The following TENM3 variants were observed in gnomAD, a reference collection of about 807,000 sequenced individuals.
The protein encoded by TENM3 is teneurin transmembrane protein 3, also known as teneurin-3.
A neutral mutation model predicts 255.1 loss-of-function variants in TENM3; 63 were observed. The observed-to-expected ratio is 0.25, with a 90% CI of 0.20 to 0.30. The LOEUF (loss-of-function observed/expected upper bound fraction) is 0.30, where lower values mean the gene tolerates loss of function less well. Ranked by LOEUF, TENM3 falls within the 10% of genes least tolerant of loss-of-function variation. The pLI, the probability that TENM3 is intolerant of heterozygous loss-of-function variation, is 1.00. For synonymous variants in TENM3, 1,306 were observed against 1,322.3 expected (o/e 0.99, Z 0.27); for missense variants, 2,929 against 3,461.1 (o/e 0.85, Z 3.86).
At chr4:182,611,642 A>G (rs898734866) in intron 4 of TENM3, among the ~76,000 whole-genome samples, 3 of 152,212 alleles carry the variant, frequency 2.0e-5, no homozygotes, top group Non-Finnish European at 4.4e-5. Flanking sequence ...AAAAATTGCT[A>G]TAGATGACAT....
At chr4:181,878,439 T>C in the TENM3 span, among the ~76,000 whole-genome samples, 1 of 152,102 alleles carries the variant, frequency 6.6e-6, no homozygotes, top group East Asian at 1.9e-4. Context: ...TGTCTGTGTA[T>C]TAACCTATTC....
chr4:182,717,792 T>C (rs1446790115), intron 13 of TENM3, among the ~76,000 whole-genome samples: 1 of 152,222 alleles, frequency 6.6e-6, no homozygotes, highest in South Asian at 2.1e-4. Flanking sequence ...ATCTTTCTTC[T>C]TCAACTCCAA....
upstream of TENM3, among the ~76,000 whole-genome samples, chr4:182,241,972 C>T (rs536900844): frequency 1.3e-5 from 2 of 151,070 alleles, no homozygotes; most frequent in Non-Finnish European, 2.9e-5. Context: ...TCTCCACTGT[C>T]AGCCACATGC....
chr4:182,317,124 G>T (rs1762794650), intron 1 of TENM3, among the ~76,000 whole-genome samples: 1 of 152,108 alleles, frequency 6.6e-6, no homozygotes, highest in Non-Finnish European at 1.5e-5. Context: ...ATTTATTATT[G>T]CTGTCAAAAG....
At chr4:181,760,590 C>T in the TENM3 span, among the ~76,000 whole-genome samples, 2 of 152,240 alleles carry the variant, frequency 1.3e-5, no homozygotes, top group South Asian at 4.1e-4. Flanking sequence ...AAACTTCAAT[C>T]AGTCCCAATC....
chr4:182,315,974 T>C (rs1762728540), intron 1 of TENM3, among the ~76,000 whole-genome samples: 1 of 152,202 alleles, frequency 6.6e-6, no homozygotes, highest in Non-Finnish European at 1.5e-5. Flanking sequence ...TCTAATTTTT[T>C]GATTGTATGG....
the TENM3 span, among the ~76,000 whole-genome samples, chr4:182,110,905 T>C: frequency 5.9e-5 from 9 of 152,206 alleles, no homozygotes; most frequent in African/African-American, 1.9e-4. Flanking sequence ...TATAATTTTC[T>C]TAGAATAAGT....
chr4:182,501,143 A>G lies in TENM3; in HGVS notation c.512-99781A>G, dbSNP rs150925360. Among the ~76,000 whole-genome samples, 700 of 152,286 alleles carry G rather than the reference A, an allele frequency of 4.6e-3. 6 individuals are homozygous for G. The highest frequency in any genetic ancestry group is 0.016 in the African/African-American group (662 of 41,558). On this transcript the variant is annotated intron_variant, in intron 3 of 27. Transcript: ENST00000511685. ...CTCTTAAAATTCTAGAAAAAGTTAT[A>G]TCAAACAAATACTTGTCTTGCTTGG...
intron 12 of TENM3, among the ~76,000 whole-genome samples, chr4:182,708,839 G>A (rs1223331423): frequency 6.6e-6 from 1 of 151,372 alleles, no homozygotes; most frequent in Non-Finnish European, 1.5e-5. Flanking sequence ...AAAAGAGTAA[G>A]ACTTGCCATC....
the TENM3 span, among the ~76,000 whole-genome samples, chr4:181,833,989 TTTTTA>T: frequency 6.6e-6 from 1 of 152,222 alleles, no homozygotes; most frequent in Admixed American, 6.5e-5. Flanking sequence ...AAAGTGTGGC[TTTTTA>T]TTTTAAGTCA....
intron 1 of TENM3, among the ~76,000 whole-genome samples, chr4:182,234,196 G>A (rs1448364801): frequency 1.3e-5 from 2 of 152,028 alleles, no homozygotes; most frequent in Admixed American, 6.5e-5. Flanking sequence ...TCTAACCTCT[G>A]TCTTAGAGGT....
the TENM3 span, among the ~76,000 whole-genome samples, chr4:181,512,015 A>G: frequency 1.3e-5 from 2 of 152,090 alleles, no homozygotes; most frequent in African/African-American, 4.8e-5. Flanking sequence ...CTCAGGATGA[A>G]GTTCGGAGTC....
At chr4:182,432,178 C>G (rs1771707276) in intron 3 of TENM3, among the ~76,000 whole-genome samples, 1 of 151,766 alleles carries the variant, frequency 6.6e-6, no homozygotes, top group Non-Finnish European at 1.5e-5. Context: ...TCCAAGAAGG[C>G]TTTGAGAAGA....
the TENM3 span, among the ~76,000 whole-genome samples, chr4:181,875,470 T>C: frequency 1.3e-5 from 2 of 151,774 alleles, no homozygotes; most frequent in Middle Eastern, 3.4e-3. Flanking sequence ...TACCTCTCCA[T>C]TCTCTAACAC....
chr4:182,686,596 T>C (rs1000677913), intron 11 of TENM3, among the ~76,000 whole-genome samples: 3 of 152,124 alleles, frequency 2.0e-5, no homozygotes, highest in Non-Finnish European at 4.4e-5. Context: ...AAGAAATGAA[T>C]TATTTCCATC....
chr4:182,724,973 C>T (rs1384717095), intron 13 of TENM3, among the ~76,000 whole-genome samples: 2 of 151,782 alleles, frequency 1.3e-5, no homozygotes, highest in South Asian at 2.1e-4. Flanking sequence ...TTGAAAGATT[C>T]GTCATAAACA....
the TENM3 span, among the ~76,000 whole-genome samples, chr4:182,094,268 C>T: frequency 7.3e-5 from 11 of 151,118 alleles, no homozygotes; most frequent in Non-Finnish European, 1.0e-4. Flanking sequence ...TTTTTTGAGA[C>T]GGAGTTTTGC....
the TENM3 span, among the ~76,000 whole-genome samples, chr4:181,912,553 C>T: frequency 8.6e-5 from 13 of 151,842 alleles, no homozygotes; most frequent in South Asian, 1.9e-3. Flanking sequence ...TTTGAGAGGC[C>T]GAGATGAGAT....
the TENM3 span, among the ~76,000 whole-genome samples, chr4:181,622,988 T>C: frequency 1.3e-5 from 2 of 152,166 alleles, no homozygotes; most frequent in Non-Finnish European, 2.9e-5. Context: ...TTTTTAGAAA[T>C]AACTTGTAGA....
Sources: allele counts gnomAD v4.1 joint callset (sites outside exome capture counted in the v4.1 genomes callset), GRCh38; gene constraint gnomAD v4.1.1; transcripts MANE v1.5; gene names NCBI Gene and HGNC (gene_info 2026-07-23, HGNC 2026-07-21).